The following VIPR2 variants were observed in gnomAD, a reference collection of about 807,000 sequenced individuals.
VIPR2 encodes vasoactive intestinal peptide receptor 2.
A neutral mutation model predicts 58.0 loss-of-function variants in VIPR2; 48 were observed. The observed-to-expected ratio is 0.83, with a 90% CI of 0.66 to 1.05. The LOEUF is 1.05. Among genes scored for constraint, VIPR2 ranks in the 50% least tolerant of loss-of-function variants. The pLI is 0.00. For missense variants in VIPR2, 534 were observed against 558.0 expected, an observed-to-expected ratio of 0.96 and a Z score of 0.43; for synonymous variants, 243 against 235.2, an observed-to-expected ratio of 1.03 and a Z score of -0.30.
Position 159,109,889 on chromosome 7 carries a change from C to A in VIPR2, c.182G>T (p.Cys61Phe). Residue 61 changes from cysteine (C) to phenylalanine (F), a missense_variant, in exon 3 of 13, where the codon TGC becomes TTC. Around this residue, in one of 3 missense-constraint regions of VIPR2, gnomAD observed 224 missense variants for 255.7 expected, o/e 0.88. Transcript: ENST00000262178. Reference protein sequence around the residue: ...ACSGVWDNITCWRPANVGETV... With the variant: ...ACSGVWDNITFWRPANVGETV... ...CTCTCCCACATTGGCAGGCCGCCAG[C>A]ACGTGATGTTGTCCCAGACGCCACT... The A allele has an allele frequency of 1.2e-6, 2 of 1,613,990 alleles. No individual in the cohort carries two copies. The highest frequency in any genetic ancestry group is 1.7e-6 in the Non-Finnish European group (2 of 1,180,042).
chr7:159,126,547 G>A (rs949552391), intron 2 of VIPR2, among the ~76,000 whole-genome samples: 1 of 152,218 alleles, frequency 6.6e-6, no homozygotes, highest in Non-Finnish European at 1.5e-5. Context: ...GCATGCCCTG[G>A]AATGCACGGA....
At chr7:159,106,776 G>A (rs6953909) in intron 3 of VIPR2, among the ~76,000 whole-genome samples, 3 of 136,486 alleles carry the variant, frequency 2.2e-5, no homozygotes, top group South Asian at 2.5e-4. Context: ...CAGAGAGGCC[G>A]GGGAGGTAGA....
At chr7:159,077,346 C>A (rs373866513) in intron 4 of VIPR2, among the ~76,000 whole-genome samples, 211 of 142,580 alleles carry the variant, frequency 1.5e-3, no homozygotes, top group African/African-American at 5.4e-3. Context: ...TTATAGTGTA[C>A]CTGTTATCAG....
chr7:159,058,413 T>C (rs1585381295), intron 5 of VIPR2, 68 bp downstream of exon 5: 1 of 1,421,402 alleles, frequency 7.0e-7, no homozygotes, highest in Admixed American at 1.7e-5. Context: ...GGGTGGCGCC[T>C]AGAAGGCCTA....
At chr7:159,041,082 G>T (rs369534121) in intron 6 of VIPR2, among the ~76,000 whole-genome samples, 1 of 152,206 alleles carries the variant, frequency 6.6e-6, no homozygotes, top group Non-Finnish European at 1.5e-5. Flanking sequence ...CCGAGACTCC[G>T]GGCCAGTTGC....
chr7:159,133,633 G>A (rs2129497756), intron 2 of VIPR2, among the ~76,000 whole-genome samples: 1 of 152,284 alleles, frequency 6.6e-6, no homozygotes, highest in Non-Finnish European at 1.5e-5. Context: ...CAGAGGCCAG[G>A]AATCTCTGCT....
At position 159,128,958 on chromosome 7, in the gene VIPR2, C is replaced by T. The variant is rs892382891; in HGVS notation, c.151+13488G>A. On this transcript the variant is annotated intron_variant, in intron 2 of 12. Coordinates refer to ENST00000262178, the MANE Select transcript of VIPR2 (RefSeq NM_003382.5). This position sits in a 1 kb window ranked among gnomAD's most constrained non-coding sequence, Gnocchi z 4.1. The stretch of plus-strand genomic sequence containing the variant: ...AGCTCCAGGGCAAAGCCAGCCCGAG[C>T]GCCAGTGTAAATGCACCCCCTCCCT... Among the ~76,000 whole-genome samples, 1 of 152,206 alleles carries T rather than the reference C, an allele frequency of 6.6e-6. No individual in the cohort carries two copies. Among genetic ancestry groups the T allele is most frequent in the Non-Finnish European group, 1.5e-5 (1 of 68,042 alleles).
intron 3 of VIPR2, among the ~76,000 whole-genome samples, chr7:159,104,552 T>C (rs1858524308): frequency 1.4e-5 from 2 of 139,522 alleles, no homozygotes; most frequent in Admixed American, 1.4e-4. Flanking sequence ...AGCAATGCCC[T>C]CCCTCCTCCC....
chr7:159,037,887 G>T (rs532748505), intron 6 of VIPR2, among the ~76,000 whole-genome samples: 1 of 152,232 alleles, frequency 6.6e-6, no homozygotes, highest in East Asian at 1.9e-4. Flanking sequence ...ACATATGTAG[G>T]TGGGTGTACA....
At chr7:159,062,737 G>C (rs545020710) in intron 4 of VIPR2, among the ~76,000 whole-genome samples, 1 of 152,142 alleles carries the variant, frequency 6.6e-6, no homozygotes. Flanking sequence ...CACATAAGGA[G>C]ACCCAGTGAA....
chr7:159,063,850 G>A (rs181651229), intron 4 of VIPR2, among the ~76,000 whole-genome samples: 11 of 22,966 alleles, frequency 4.8e-4, no homozygotes, highest in African/African-American at 1.7e-3. Flanking sequence ...GGTCTGGGGG[G>A]CCTGGTGGGT....
intron 1 of VIPR2, among the ~76,000 whole-genome samples, chr7:159,143,997 G>A (rs1797581903): frequency 6.6e-6 from 1 of 152,238 alleles, no homozygotes; most frequent in East Asian, 1.9e-4. Context: ...CAGCTGCGGA[G>A]GGGCCGCGGA....
chr7:159,132,595 G>C (rs777765419), intron 2 of VIPR2, among the ~76,000 whole-genome samples: 1 of 152,270 alleles, frequency 6.6e-6, no homozygotes, highest in African/African-American at 2.4e-5. Flanking sequence ...CCCAGAGCCC[G>C]TGCCTTTCTG....
At chr7:159,075,280 T>C (rs1453548695) in intron 4 of VIPR2, among the ~76,000 whole-genome samples, 1 of 152,250 alleles carries the variant, frequency 6.6e-6, no homozygotes, top group Non-Finnish European at 1.5e-5. Flanking sequence ...TTGAGCTTTA[T>C]TTCTTTGTTG....
chr7:159,133,924 AT>A (rs1797093093), intron 2 of VIPR2, among the ~76,000 whole-genome samples: 2 of 152,238 alleles, frequency 1.3e-5, no homozygotes, highest in Non-Finnish European at 2.9e-5. Context: ...AAATAAGCTC[AT>A]TATTCCTGTT....
chr7:159,056,224 C>T (rs966259985), intron 5 of VIPR2, among the ~76,000 whole-genome samples: 7 of 152,016 alleles, frequency 4.6e-5, no homozygotes, highest in Middle Eastern at 3.4e-3. Flanking sequence ...GGTCCAATCC[C>T]CCTCCCCCAA....
chr7:159,132,835 CAGAATGATTGGCATACCGAT>C (rs1563355207), intron 2 of VIPR2, among the ~76,000 whole-genome samples: 5 of 122,320 alleles, frequency 4.1e-5, no homozygotes, highest in African/African-American at 5.8e-5. Flanking sequence ...TGATTTGAGA[CAGAATGATTGGCATACCGAT>C]TGATTTTAGA....
rs1858441853 is a variant in VIPR2 at position 159,103,725 on chromosome 7, C to T, written c.357+32G>A. Reference sequence around the variant, plus strand: ...TCTGGTGCAGTGTTAGGAAGTGGAACCTCACCACCGTAGCACCACGCAGGA... The same window carrying T: ...TCTGGTGCAGTGTTAGGAAGTGGAATCTCACCACCGTAGCACCACGCAGGA... On this transcript the variant is annotated intron_variant, in intron 4 of 12. Transcript: ENST00000262178. The T allele has an allele frequency of 1.9e-6, 3 of 1,566,218 alleles. No homozygotes were observed. In the East Asian group the frequency reaches 6.7e-5, roughly 35 times the overall value.
At chr7:159,092,314 A>C (rs140600569) in intron 4 of VIPR2, among the ~76,000 whole-genome samples, 49 of 152,212 alleles carry the variant, frequency 3.2e-4, no homozygotes, top group Non-Finnish European at 3.5e-4. Context: ...AGCGGGTCTT[A>C]CCCTGTCCCC....
Sources: gnomAD v4.1 joint callset for allele counts (sites outside exome capture counted in the v4.1 genomes callset) on GRCh38, gnomAD v4.1.1 for gene constraint, gnomAD v4.1.1 regional missense constraint, Gnocchi (gnomAD v3.1) non-coding constraint, MANE v1.5 for transcripts, NCBI Gene and HGNC (gene_info 2026-07-23, HGNC 2026-07-21) for gene names.